Variants in SNX7 observed in about 807,000 individuals in gnomAD.
SNX7 encodes sorting nexin 7, also known as sorting nexin-7.
SNX7 carries 35 observed loss-of-function variants against 48.4 expected under a neutral mutation model. That is an observed-to-expected ratio of 0.72 (90% confidence interval 0.55 to 0.96). The LOEUF (loss-of-function observed/expected upper bound fraction) is 0.96, where lower values mean the gene tolerates loss of function less well. SNX7 is among the 40% of genes least tolerant of loss of function. SNX7 has a pLI of 0.00. For synonymous variants in SNX7, 190 were observed against 190.2 expected (o/e 1.00, Z 0.01); for missense variants, 553 against 548.9 (o/e 1.01, Z -0.07).
intron 7 of SNX7, among the ~76,000 whole-genome samples, chr1:98,702,546 C>A (rs1172699251): frequency 6.6e-6 from 1 of 151,792 alleles, no homozygotes; most frequent in Non-Finnish European, 1.5e-5. Context: ...ATTATTTTAC[C>A]CATGGTATTT....
chr1:98,703,312 A>G (rs1179090900), intron 7 of SNX7, among the ~76,000 whole-genome samples: 1 of 152,194 alleles, frequency 6.6e-6, no homozygotes, highest in African/African-American at 2.4e-5. Flanking sequence ...TGTGAAAACC[A>G]GAAAAGATGA....
intron 7 of SNX7, among the ~76,000 whole-genome samples, chr1:98,728,370 A>G (rs1318611348): frequency 6.6e-6 from 1 of 152,164 alleles, no homozygotes; most frequent in African/African-American, 2.4e-5. Context: ...CTGCCTTGCA[A>G]GAGCTACTGA....
intron 5 of SNX7, among the ~76,000 whole-genome samples, chr1:98,698,028 G>A (rs977103532): frequency 1.3e-5 from 2 of 152,032 alleles, no homozygotes; most frequent in African/African-American, 4.8e-5. Flanking sequence ...AGAAGCAGAC[G>A]GTGAGGACTA....
chr1:98,673,677 T>C (rs918847197), intron 1 of SNX7, among the ~76,000 whole-genome samples: 2 of 152,204 alleles, frequency 1.3e-5, no homozygotes, highest in African/African-American at 4.8e-5. Context: ...GTGCTTTTCA[T>C]GTGCACATGG....
chr1:98,744,685 G>A (rs891664498), intron 8 of SNX7, among the ~76,000 whole-genome samples: 3 of 151,998 alleles, frequency 2.0e-5, no homozygotes, highest in Non-Finnish European at 4.4e-5. Context: ...AGTATAAGAT[G>A]AAAGGATTAG....
At chr1:98,697,190 T>G (rs962278565) in intron 5 of SNX7, among the ~76,000 whole-genome samples, 3 of 152,124 alleles carry the variant, frequency 2.0e-5, no homozygotes, top group African/African-American at 7.2e-5. Flanking sequence ...GGTCATTATT[T>G]AACATAAAGA....
intron 7 of SNX7, among the ~76,000 whole-genome samples, chr1:98,726,360 GC>G (rs1653170319): frequency 6.6e-6 from 1 of 152,164 alleles, no homozygotes; most frequent in African/African-American, 2.4e-5. Context: ...TGCCTGAGTG[GC>G]CAGTATAATC....
chr1:98,691,238 G>C lies in SNX7; in HGVS notation c.474+53G>C, dbSNP rs1461856867. The C allele has an allele frequency of 2.7e-6, 3 of 1,132,004 alleles. No individual in the cohort carries two copies. The African/African-American group carries it at 4.8e-5, about 18-fold the overall frequency. 70.1% of individuals were successfully genotyped at this position (1,132,004 alleles called of 1,614,324 possible). A position where few individuals can be genotyped will look rare whatever the true frequency, so the allele number is the denominator to read the frequency against. On this transcript the variant is annotated intron_variant, in intron 3 of 8. Transcript: ENST00000306121. ...AGAATAGCTACCAGTTTTCTAGTGA[G>C]TCTTTTTGAATGCCTAAAACCTAAT...
At chr1:98,720,586 A>G (rs979882961) in intron 7 of SNX7, among the ~76,000 whole-genome samples, 9 of 152,184 alleles carry the variant, frequency 5.9e-5, no homozygotes, top group Non-Finnish European at 1.2e-4. Flanking sequence ...GAGCCATGCT[A>G]TACATTATGG....
At chr1:98,721,912 A>G (rs1652894219) in intron 7 of SNX7, among the ~76,000 whole-genome samples, 1 of 152,094 alleles carries the variant, frequency 6.6e-6, no homozygotes, top group Non-Finnish European at 1.5e-5. Flanking sequence ...GAAATATATT[A>G]ATGACTGATA....
At chr1:98,747,927 T>C (rs946529280) in intron 8 of SNX7, among the ~76,000 whole-genome samples, 1 of 151,988 alleles carries the variant, frequency 6.6e-6, no homozygotes, top group African/African-American at 2.4e-5. Context: ...GTTTTGAACC[T>C]TTTATTATGT....
chr1:98,727,679 A>G (rs1347160780), intron 7 of SNX7, among the ~76,000 whole-genome samples: 1 of 152,126 alleles, frequency 6.6e-6, no homozygotes, highest in African/African-American at 2.4e-5. Flanking sequence ...TAACCAGTTT[A>G]GAGAGGAACA....
chr1:98,717,613 C>T (rs1248936315), intron 7 of SNX7, among the ~76,000 whole-genome samples: 1 of 152,086 alleles, frequency 6.6e-6, no homozygotes, highest in African/African-American at 2.4e-5. Context: ...TTCTCTTTGC[C>T]AGAACATCAT....
chr1:98,677,615 C>G (rs537364092), intron 1 of SNX7, among the ~76,000 whole-genome samples: 3 of 152,318 alleles, frequency 2.0e-5, no homozygotes, highest in Non-Finnish European at 2.9e-5. Flanking sequence ...GGCAGTGACT[C>G]ATGCCTGTAA....
At chr1:98,711,463 C>T (rs559032622) in intron 7 of SNX7, among the ~76,000 whole-genome samples, 32 of 152,254 alleles carry the variant, frequency 2.1e-4, no homozygotes, top group African/African-American at 7.5e-4. Flanking sequence ...CAGACTGCCA[C>T]AATAAAGCAA....
chr1:98,751,373 A>T (rs1027406532), intron 8 of SNX7, among the ~76,000 whole-genome samples: 2 of 152,050 alleles, frequency 1.3e-5, no homozygotes, highest in Admixed American at 1.3e-4. Context: ...ATTAAAACTT[A>T]ATTTTCTATG....
intron 4 of SNX7, 58 bp from the exon 5 acceptor site, chr1:98,695,460 T>C: frequency 6.7e-7 from 1 of 1,487,762 alleles, no homozygotes; most frequent in Non-Finnish European, 9.3e-7. Context: ...TATTTTTGTA[T>C]TGAGTCTCGG....
At position 98,662,716 on chromosome 1, in the gene SNX7, AG is replaced by A. The variant is rs1308573091; in HGVS notation, c.180+806del. On this transcript the variant is annotated intron_variant, in intron 1 of 8. Transcript: ENST00000306121. Reference sequence around the variant, plus strand: ...TTGCAGGGAGGTTGAATGTCACTCCAGTTTCTCAAGTTGCTGCTGAGAGAAG... The same window carrying A: ...TTGCAGGGAGGTTGAATGTCACTCCATTTCTCAAGTTGCTGCTGAGAGAAG... The A allele has an allele frequency of 2.3e-6, 3 of 1,289,396 alleles. No homozygotes were observed. In the South Asian group the frequency reaches 3.7e-5, roughly 16 times the overall value. 79.9% of individuals were successfully genotyped at this position (1,289,396 alleles called of 1,614,324 possible). A position where few individuals can be genotyped will look rare whatever the true frequency, so the allele number is the denominator to read the frequency against.
At chr1:98,687,733 TAATTTA>T (rs1316631155) in intron 2 of SNX7, among the ~76,000 whole-genome samples, 1 of 152,116 alleles carries the variant, frequency 6.6e-6, no homozygotes, top group African/African-American at 2.4e-5. Flanking sequence ...CAGTACTGGG[TAATTTA>T]TAAAGGCGGG....
Sources: gnomAD v4.1 joint callset for allele counts (sites outside exome capture counted in the v4.1 genomes callset) on GRCh38, gnomAD v4.1.1 for gene constraint, MANE v1.5 for transcripts, NCBI Gene and HGNC (gene_info 2026-07-23, HGNC 2026-07-21) for gene names.